The following PDS5A variants were observed in gnomAD, a reference collection of about 807,000 sequenced individuals.
The protein encoded by PDS5A is PDS5 cohesin associated factor A.
Under a neutral mutation model 167.1 loss-of-function variants are expected in PDS5A, and 42 were observed. The ratio of observed to expected loss-of-function variants is 0.25; its 90% confidence interval spans 0.20 to 0.33. The LOEUF (loss-of-function observed/expected upper bound fraction) is 0.33. PDS5A is among the 10% of genes least tolerant of loss of function. The probability of loss-of-function intolerance (pLI) is 1.00; values close to 1 mark genes in which losing one functional copy is unlikely to be tolerated. For synonymous variants in PDS5A, 553 were observed against 554.6 expected (o/e 1.00, Z 0.04); for missense variants, 1,033 against 1,605.9 (o/e 0.64, Z 6.10).
rs556133249 is a variant in PDS5A, at chr4:39,842,454, T to A, written c.3549-398A>T. Among the ~76,000 whole-genome samples the A allele has an allele frequency of 8.5e-5, 13 of 152,328 alleles. No homozygotes were observed. In the South Asian group the frequency reaches 2.7e-3, roughly 32 times the overall value. The stretch of plus-strand genomic sequence containing the variant: ...CATAGTGTTCTACTAAAAAGGGGGC[T>A]GTCAGAAGAGGCTATTTGGTAGGTA... On this transcript the variant is annotated intron_variant, in intron 30 of 32. Coordinates refer to ENST00000303538, the MANE Select transcript of PDS5A (RefSeq NM_001100399.2).
At chr4:39,931,276 T>G (rs1235955762) in intron 2 of PDS5A, among the ~76,000 whole-genome samples, 1 of 152,102 alleles carries the variant, frequency 6.6e-6, no homozygotes, top group Non-Finnish European at 1.5e-5. Context: ...TTTTTTTTTT[T>G]GTAGGATGGG....
intron 2 of PDS5A, among the ~76,000 whole-genome samples, chr4:39,954,452 G>C (rs1728718022): frequency 1.3e-5 from 2 of 151,930 alleles, no homozygotes; most frequent in Non-Finnish European, 2.9e-5. Context: ...CTGAGTAGCT[G>C]GGATTACGGG....
intron 2 of PDS5A, chr4:39,936,830 C>T (rs1726663385): frequency 6.6e-6 from 1 of 152,116 alleles, no homozygotes; most frequent in African/African-American, 2.4e-5. Context: ...TGGTAGATCA[C>T]TGGGGAATAC....
At chr4:39,826,696 A>T (rs1420464272) in intron 32 of PDS5A, among the ~76,000 whole-genome samples, 1 of 152,030 alleles carries the variant, frequency 6.6e-6, no homozygotes, top group Non-Finnish European at 1.5e-5. Context: ...CATGTTGGTC[A>T]GGATGGTCTT....
At chr4:39,965,061 T>C (rs1729851818) in intron 2 of PDS5A, among the ~76,000 whole-genome samples, 1 of 152,188 alleles carries the variant, frequency 6.6e-6, no homozygotes, top group East Asian at 1.9e-4. Flanking sequence ...TTCCTGCTTC[T>C]ATTGAGAGGT....
At chr4:39,921,033 A>G (rs1175422793) in intron 6 of PDS5A, among the ~76,000 whole-genome samples, 2 of 152,224 alleles carry the variant, frequency 1.3e-5, no homozygotes, top group African/African-American at 2.4e-5. Context: ...TAACATTGCT[A>G]TATCTTGAAG....
chr4:39,886,311 A>G (rs188061129), intron 17 of PDS5A, among the ~76,000 whole-genome samples: 1 of 152,134 alleles, frequency 6.6e-6, no homozygotes, highest in African/African-American at 2.4e-5. Context: ...TTGTGGTTCC[A>G]TGTAAATGTT....
chr4:39,849,200 A>C (rs1030351225), intron 27 of PDS5A, among the ~76,000 whole-genome samples: 28 of 152,184 alleles, frequency 1.8e-4, no homozygotes, highest in Non-Finnish European at 3.8e-4. Context: ...TAACAAACAA[A>C]TGAACCAACC....
At chr4:39,825,785 C>T (rs937559374) in intron 32 of PDS5A, among the ~76,000 whole-genome samples, 1 of 151,942 alleles carries the variant, frequency 6.6e-6, no homozygotes, top group Non-Finnish European at 1.5e-5. Context: ...ATTATTTGTA[C>T]AGACGGGATC....
rs1046315011 is a variant in PDS5A at position 39,881,553 on chromosome 4, GTATAA to G, written c.1887-1725_1887-1721del. Among the ~76,000 whole-genome samples, 20 of 151,804 alleles carry G rather than the reference GTATAA, an allele frequency of 1.3e-4. No homozygotes were observed. The East Asian group carries it at 3.9e-3, about 29-fold the overall frequency. Reference sequence around the variant, plus strand: ...ATATGTGTATAAACATTAACTTAAAGTATAATATACCACACAATTCCCTGAATTAA... The same window carrying G: ...ATATGTGTATAAACATTAACTTAAAGTATACCACACAATTCCCTGAATTAA... On this transcript the variant is annotated intron_variant, in intron 17 of 32. Coordinates refer to ENST00000303538, the MANE Select transcript of PDS5A (RefSeq NM_001100399.2).
chr4:39,964,836 G>A (rs1050654134), intron 2 of PDS5A, among the ~76,000 whole-genome samples: 2 of 151,858 alleles, frequency 1.3e-5, no homozygotes, highest in Non-Finnish European at 2.9e-5. Context: ...CCAGCTACTT[G>A]GGAGGCTGAG....
chr4:39,954,670 TAAAAA>T (rs777287409), intron 2 of PDS5A, among the ~76,000 whole-genome samples: 11 of 48,282 alleles, frequency 2.3e-4, no homozygotes, highest in East Asian at 7.6e-4. Flanking sequence ...AAGAGATAAG[TAAAAA>T]AAAAAAAAAA....
At position 39,824,419 on chromosome 4, in the gene PDS5A, T is replaced by C. The variant is rs1211006677; in HGVS notation, c.*1066A>G. On this transcript the variant is annotated 3_prime_UTR_variant, in exon 33 of 33. Coordinates refer to ENST00000303538, the MANE Select transcript of PDS5A (RefSeq NM_001100399.2). ...TGCTGAACAATGCCAAGAAACATAATATATTGATGCAACAGTTTTCTAAAA... is the reference window on the plus strand; with the variant it reads ...TGCTGAACAATGCCAAGAAACATAACATATTGATGCAACAGTTTTCTAAAA... 3 of 152,168 alleles carry C rather than the reference T, an allele frequency of 2.0e-5. No homozygotes were observed. The highest frequency in any genetic ancestry group is 4.4e-5 in the Non-Finnish European group (3 of 68,014). 9.4% of individuals were successfully genotyped at this position (152,168 alleles called of 1,614,324 possible). A position where few individuals can be genotyped will look rare whatever the true frequency, so the allele number is the denominator to read the frequency against.
At chr4:39,969,979 G>C (rs1446765608) in intron 2 of PDS5A, among the ~76,000 whole-genome samples, 1 of 144,098 alleles carries the variant, frequency 6.9e-6, no homozygotes, top group Non-Finnish European at 1.5e-5. Flanking sequence ...TTTTTTTTGA[G>C]ACAGAGTCTC....
At chr4:39,863,106 C>T (rs1376149822) in intron 24 of PDS5A, 33 bp from the exon 25 acceptor site, 2 of 1,505,174 alleles carry the variant, frequency 1.3e-6, no homozygotes, top group African/African-American at 2.8e-5. Flanking sequence ...AAATTGGCAA[C>T]CATTTATTAA....
chr4:39,965,885 T>C (rs1225535751), intron 2 of PDS5A, among the ~76,000 whole-genome samples: 1 of 152,208 alleles, frequency 6.6e-6, no homozygotes, highest in Non-Finnish European at 1.5e-5. Context: ...ACAATGTGAA[T>C]GTACCTAATG....
In PDS5A at chr4:39,906,619, A is replaced by AAGC. The variant is rs555778865; in HGVS notation, c.1233+1773_1233+1775dup. Among the ~76,000 whole-genome samples, 736 of 151,714 alleles carry AAGC rather than the reference A, an allele frequency of 4.9e-3. 8 individuals are homozygous for AAGC. Among genetic ancestry groups the AAGC allele is most frequent in the African/African-American group, 0.016 (671 of 41,358 alleles). On this transcript the variant is annotated intron_variant, in intron 11 of 32. Transcript: ENST00000303538. Reference sequence around the variant, plus strand: ...AAAAATCTGTGTATTAAAAAAAAAAAAGCAGCAGCAGCAGCAGCTGAGTGT... The same window carrying AAGC: ...AAAAATCTGTGTATTAAAAAAAAAAAAGCAGCAGCAGCAGCAGCAGCTGAGTGT...
chr4:39,962,352 G>A (rs944712364), intron 2 of PDS5A, among the ~76,000 whole-genome samples: 2 of 151,748 alleles, frequency 1.3e-5, no homozygotes, highest in Non-Finnish European at 2.9e-5. Flanking sequence ...CACCGCGCCC[G>A]GCCTCTTCCT....
intron 10 of PDS5A, chr4:39,908,832 G>C: frequency 3.7e-6 from 1 of 272,402 alleles, no homozygotes; most frequent in Non-Finnish European, 6.9e-6. Flanking sequence ...GTTCATACCA[G>C]CTTAGGCAAC....
Sources: allele counts gnomAD v4.1 joint callset (sites outside exome capture counted in the v4.1 genomes callset), GRCh38; gene constraint gnomAD v4.1.1; transcripts MANE v1.5; gene names NCBI Gene and HGNC (gene_info 2026-07-23, HGNC 2026-07-21).